STON1: variants seen among roughly 807,000 people sequenced by gnomAD.
The protein encoded by STON1 is stonin-1.
Under a neutral mutation model 60.9 loss-of-function variants are expected in STON1, and 79 were observed. That is an observed-to-expected ratio of 1.30 (90% CI 1.08 to 1.56). The LOEUF is 1.56. STON1 is among the 40% of genes most tolerant of loss of function. The pLI is 0.00. For missense variants in STON1, 1,166 were observed against 858.9 expected (o/e 1.36, Z -4.47); for synonymous variants, 363 against 306.9 (o/e 1.18, Z -1.91).
chr2:48,582,011 G>T lies in STON1; in HGVS notation c.1378G>T (p.Asp460Tyr). The change falls in exon 2 of 4, where the codon GAC becomes TAC. Residue 460 changes from aspartate (D) to tyrosine (Y), a missense_variant. Asp to Tyr is a radical substitution (Grantham distance 160). Coordinates refer to ENST00000404752, the MANE Select transcript of STON1 (RefSeq NM_006873.4). Reference sequence around the variant, plus strand: ...CCTGGAATGCTTTTTAACCTTGAATGACCTTGAGTTGCCGAAGCGAGATGA... The same window carrying T: ...CCTGGAATGCTTTTTAACCTTGAATTACCTTGAGTTGCCGAAGCGAGATGA... ...GNLECFLTLN[D>Y]LELPKRDESY... The T allele has an allele frequency of 6.2e-7, 1 of 1,614,174 alleles. No homozygotes were observed. Among genetic ancestry groups the T allele is most frequent in the Non-Finnish European group, 8.5e-7 (1 of 1,180,044 alleles).
intron 1 of STON1, among the ~76,000 whole-genome samples, chr2:48,569,947 T>A (rs1673116690): frequency 6.6e-6 from 1 of 152,244 alleles, no homozygotes; most frequent in Admixed American, 6.5e-5. Flanking sequence ...TTAGAGATAA[T>A]CAATTTGTAA....
chr2:48,589,885 A>G (rs367732280), intron 2 of STON1, among the ~76,000 whole-genome samples: 2 of 152,226 alleles, frequency 1.3e-5, no homozygotes, highest in African/African-American at 2.4e-5. Context: ...TGGCTCATCT[A>G]TATTGCTATA....
chr2:48,566,221 G>A (rs779686266), intron 1 of STON1, among the ~76,000 whole-genome samples: 1 of 152,094 alleles, frequency 6.6e-6, no homozygotes, highest in Non-Finnish European at 1.5e-5. Flanking sequence ...TGTCACCCAG[G>A]CTGGAGTGCA....
At chr2:48,588,490 A>G (rs973165259) in intron 2 of STON1, among the ~76,000 whole-genome samples, 1 of 152,106 alleles carries the variant, frequency 6.6e-6, no homozygotes, top group Admixed American at 6.5e-5. Flanking sequence ...AGCTGGGACC[A>G]CAGCACGTGC....
intron 1 of STON1, among the ~76,000 whole-genome samples, chr2:48,553,100 T>G (rs565488529): frequency 2.6e-5 from 4 of 152,204 alleles, no homozygotes; most frequent in South Asian, 4.2e-4. Context: ...TCTGGGTCAT[T>G]TCAGGGGTAT....
At chr2:48,563,547 G>C (rs1672696132) in intron 1 of STON1, among the ~76,000 whole-genome samples, 1 of 152,234 alleles carries the variant, frequency 6.6e-6, no homozygotes, top group South Asian at 2.1e-4. Flanking sequence ...ATAGCAGACA[G>C]TGGGCAATAG....
At chr2:48,584,483 G>C (rs1032930259) in intron 2 of STON1, among the ~76,000 whole-genome samples, 3 of 152,036 alleles carry the variant, frequency 2.0e-5, no homozygotes, top group Admixed American at 1.3e-4. Context: ...GGCCAGACTG[G>C]TCTTGAACTC....
intron 2 of STON1, among the ~76,000 whole-genome samples, chr2:48,588,013 A>C (rs1394592150): frequency 1.3e-5 from 2 of 152,168 alleles, no homozygotes; most frequent in Non-Finnish European, 2.9e-5. Context: ...GCTATAAGCT[A>C]ATTTGCCTCT....
intron 1 of STON1, among the ~76,000 whole-genome samples, chr2:48,548,537 T>C (rs541135448): frequency 4.6e-4 from 70 of 152,082 alleles, no homozygotes; most frequent in African/African-American, 1.7e-3. Flanking sequence ...CTCCCTCTGT[T>C]GCCCAGGCTG....
intron 1 of STON1, among the ~76,000 whole-genome samples, chr2:48,566,010 C>G (rs1182695155): frequency 1.3e-5 from 2 of 152,106 alleles, no homozygotes; most frequent in Admixed American, 1.3e-4. Context: ...CTGGGACTAG[C>G]CAGTTTGGGT....
intron 1 of STON1, among the ~76,000 whole-genome samples, chr2:48,567,446 CT>C (rs1432983497): frequency 6.6e-6 from 1 of 152,132 alleles, no homozygotes; most frequent in Non-Finnish European, 1.5e-5. Context: ...CAGTCTTGCC[CT>C]GTCATCCAGG....
intron 1 of STON1, among the ~76,000 whole-genome samples, chr2:48,563,533 G>T (rs1231936825): frequency 6.6e-6 from 1 of 152,184 alleles, no homozygotes; most frequent in African/African-American, 2.4e-5. Context: ...CAGTACCCAT[G>T]GTCATAGCAG....
chr2:48,533,959 G>A (rs1671324479), intron 1 of STON1, among the ~76,000 whole-genome samples: 1 of 151,792 alleles, frequency 6.6e-6, no homozygotes, highest in Non-Finnish European at 1.5e-5. Context: ...AGTAGAGATG[G>A]GGTTTCTCCA....
chr2:48,555,481 C>A (rs1246853060), intron 1 of STON1, among the ~76,000 whole-genome samples: 11 of 95,010 alleles, frequency 1.2e-4, no homozygotes, highest in Admixed American at 1.9e-4. Flanking sequence ...CCGGACGGGG[C>A]GGCTGGCCGG....
At chr2:48,590,284 A>G (rs747381581) in intron 2 of STON1, among the ~76,000 whole-genome samples, 1 of 152,190 alleles carries the variant, frequency 6.6e-6, no homozygotes, top group Non-Finnish European at 1.5e-5. Flanking sequence ...CTGTTGGTTA[A>G]CTGATTGATG....
At position 48,530,207 on chromosome 2, in the gene STON1, C is replaced by G. The variant is rs1025226392; in HGVS notation, c.-57C>G. On this transcript the variant is annotated 5_prime_UTR_variant, in exon 1 of 4. Coordinates refer to ENST00000404752, the MANE Select transcript of STON1 (RefSeq NM_006873.4). ...CTGCGGCCAGAATCGGAGCCCCAAC[C>G]GCGCTGCCGGTGAGTGACCAGCCCC... The G allele has an allele frequency of 4.9e-6, 2 of 409,022 alleles. No individual in the cohort carries two copies. The highest frequency in any genetic ancestry group is 4.9e-4 in the Middle Eastern group (1 of 2,032). The allele number at this position is 409,022 out of a possible 1,614,324, so 25.3% of individuals were successfully genotyped here. A position where few individuals can be genotyped will look rare whatever the true frequency, so the allele number is the denominator to read the frequency against.
chr2:48,586,683 G>T (rs1558644912), intron 2 of STON1, among the ~76,000 whole-genome samples: 2 of 146,474 alleles, frequency 1.4e-5, no homozygotes, highest in Admixed American at 7.0e-5. Flanking sequence ...ATGCTGTGGG[G>T]TGTGAAGTTT....
At chr2:48,539,581 A>G (rs2103749357) in intron 1 of STON1, among the ~76,000 whole-genome samples, 1 of 152,052 alleles carries the variant, frequency 6.6e-6, no homozygotes, top group Admixed American at 6.6e-5. Context: ...GGCTCACTGC[A>G]ACCTCTGCCT....
Position 48,596,075 on chromosome 2 carries a change from T to C in STON1, c.*773T>C, listed in dbSNP as rs1445674147. ...TTAGACACTAGTTAACATATTTGTGTATATTAAATATGAATTTTTAAAATT... is the reference window on the plus strand; with the variant it reads ...TTAGACACTAGTTAACATATTTGTGCATATTAAATATGAATTTTTAAAATT... On this transcript the variant is annotated 3_prime_UTR_variant, in exon 4 of 4. Coordinates refer to ENST00000404752, the MANE Select transcript of STON1 (RefSeq NM_006873.4). The C allele has an allele frequency of 6.6e-6, 1 of 152,240 alleles. No homozygotes were observed. Among genetic ancestry groups the C allele is most frequent in the Non-Finnish European group, 1.5e-5 (1 of 68,044 alleles). The allele number at this position is 152,240 out of a possible 1,614,324, so 9.4% of individuals were successfully genotyped here.
Sources: gnomAD v4.1 joint callset for allele counts (sites outside exome capture counted in the v4.1 genomes callset) on GRCh38, gnomAD v4.1.1 for gene constraint, MANE v1.5 for transcripts, NCBI Gene and HGNC (gene_info 2026-07-23, HGNC 2026-07-21) for gene names.